Variants in ST6GALNAC5 observed in about 807,000 individuals in gnomAD.
ST6GALNAC5 encodes alpha-N-acetylgalactosaminide alpha-2,6-sialyltransferase 5.
Under a neutral mutation model 33.6 loss-of-function variants are expected in ST6GALNAC5, and 27 were observed. The observed-to-expected ratio is 0.80, with a 90% confidence interval of 0.59 to 1.11. The LOEUF (loss-of-function observed/expected upper bound fraction) is 1.11, where lower values mean the gene tolerates loss of function less well. Among genes scored for constraint, ST6GALNAC5 ranks in the 50% least tolerant of loss-of-function variants. The pLI is 0.00. For missense variants in ST6GALNAC5, 428 were observed against 454.0 expected (o/e 0.94, Z 0.52); for synonymous variants, 194 against 171.2 (o/e 1.13, Z -1.04).
chr1:76,932,342 C>T (rs1647152138), intron 2 of ST6GALNAC5, among the ~76,000 whole-genome samples: 1 of 152,020 alleles, frequency 6.6e-6, no homozygotes, highest in African/African-American at 2.4e-5. Context: ...CTTTCTCTGA[C>T]TAGAGGGGAG....
At chr1:76,947,628 T>G (rs1411876274) in intron 2 of ST6GALNAC5, among the ~76,000 whole-genome samples, 2 of 151,992 alleles carry the variant, frequency 1.3e-5, no homozygotes, top group Non-Finnish European at 2.9e-5. Context: ...ACCCAGCTAC[T>G]CAGGATGCTG....
At chr1:76,930,345 G>T (rs1258218269) in intron 2 of ST6GALNAC5, among the ~76,000 whole-genome samples, 3 of 77,098 alleles carry the variant, frequency 3.9e-5, no homozygotes, top group Non-Finnish European at 7.6e-5. Flanking sequence ...TAAACCCACT[G>T]GTCATGTGCA....
chr1:76,896,725 G>A (rs147364084), intron 2 of ST6GALNAC5, among the ~76,000 whole-genome samples: 2,032 of 152,270 alleles, frequency 0.013, 47 homozygotes, highest in African/African-American at 0.046. Flanking sequence ...TGAAGGAGCC[G>A]GGAGCAGAAA....
intron 2 of ST6GALNAC5, among the ~76,000 whole-genome samples, chr1:77,032,835 A>G (rs1181584338): frequency 6.6e-6 from 1 of 152,146 alleles, no homozygotes; most frequent in Non-Finnish European, 1.5e-5. Flanking sequence ...CCAAGTTCTC[A>G]TAATTCTTTT....
At position 77,063,328 on chromosome 1, in the gene ST6GALNAC5, C is replaced by A; in HGVS notation, c.*122C>A. 1 of 821,386 alleles carries A rather than the reference C, an allele frequency of 1.2e-6. No individual in the cohort carries two copies. Among genetic ancestry groups the A allele is most frequent in the Non-Finnish European group, 1.9e-6 (1 of 522,200 alleles). 50.9% of individuals were successfully genotyped at this position (821,386 alleles called of 1,614,324 possible). The stretch of plus-strand genomic sequence containing the variant: ...AACAGCTTCACTCCTCAGGAAGTAC[C>A]ATGGACAGACGCCTACCAGGGGTGA... On this transcript the variant is annotated 3_prime_UTR_variant, in exon 5 of 5. Coordinates refer to ENST00000477717, the MANE Select transcript of ST6GALNAC5 (RefSeq NM_030965.3).
At chr1:76,995,080 A>G (rs1426269611) in intron 2 of ST6GALNAC5, among the ~76,000 whole-genome samples, 1 of 152,158 alleles carries the variant, frequency 6.6e-6, no homozygotes, top group Non-Finnish European at 1.5e-5. Context: ...GTCAGATTGC[A>G]TTTAGGTTTA....
At chr1:77,052,192 C>A (rs1336101507) in intron 4 of ST6GALNAC5, among the ~76,000 whole-genome samples, 2 of 152,190 alleles carry the variant, frequency 1.3e-5, no homozygotes, top group Non-Finnish European at 2.9e-5. Context: ...AGGACCCCTA[C>A]GCCCAAGTTC....
chr1:77,006,464 C>A (rs1650423939), intron 2 of ST6GALNAC5, among the ~76,000 whole-genome samples: 1 of 151,776 alleles, frequency 6.6e-6, no homozygotes, highest in Admixed American at 6.6e-5. Context: ...CAGGCGCCAG[C>A]CACCACGCCT....
At chr1:76,933,783 A>T (rs1458212301) in intron 2 of ST6GALNAC5, among the ~76,000 whole-genome samples, 13 of 151,234 alleles carry the variant, frequency 8.6e-5, no homozygotes, top group Non-Finnish European at 1.6e-4. Flanking sequence ...AAAAAAAAAA[A>T]AAGCCCAGAA....
intron 2 of ST6GALNAC5, among the ~76,000 whole-genome samples, chr1:76,927,769 A>G (rs1647100272): frequency 6.6e-6 from 1 of 152,096 alleles, no homozygotes; most frequent in Non-Finnish European, 1.5e-5. Flanking sequence ...TACTCTTGGC[A>G]ACAATAAAAT....
intron 2 of ST6GALNAC5, among the ~76,000 whole-genome samples, chr1:76,962,957 A>G (rs1648300279): frequency 6.6e-6 from 1 of 152,208 alleles, no homozygotes; most frequent in Non-Finnish European, 1.5e-5. Flanking sequence ...GAGTTGTTAT[A>G]TTATACTTCA....
chr1:76,941,955 A>C (rs1377241418), intron 2 of ST6GALNAC5, among the ~76,000 whole-genome samples: 1 of 152,156 alleles, frequency 6.6e-6, no homozygotes, highest in Non-Finnish European at 1.5e-5. Flanking sequence ...AGTGTCTCTC[A>C]GAGTCAATTC....
At chr1:76,970,889 A>G (rs1228388826) in intron 2 of ST6GALNAC5, among the ~76,000 whole-genome samples, 1 of 152,180 alleles carries the variant, frequency 6.6e-6, no homozygotes, top group Non-Finnish European at 1.5e-5. Flanking sequence ...AATTTGTAGC[A>G]CTACATAATT....
At chr1:76,903,016 T>A (rs917157093) in intron 2 of ST6GALNAC5, among the ~76,000 whole-genome samples, 2 of 152,010 alleles carry the variant, frequency 1.3e-5, no homozygotes, top group African/African-American at 4.8e-5. Context: ...TCCCAAAACA[T>A]GAGCAACAAC....
chr1:76,964,743 T>A (rs1472927418), intron 2 of ST6GALNAC5, among the ~76,000 whole-genome samples: 1 of 152,178 alleles, frequency 6.6e-6, no homozygotes, highest in African/African-American at 2.4e-5. Context: ...TTTCTCCTAA[T>A]GCTATCCCTC....
rs139819444 is a variant in ST6GALNAC5, at chr1:77,017,772, G to A, written c.262-26432G>A. On this transcript the variant is annotated intron_variant, in intron 2 of 4. Transcript: ENST00000477717. ...ATAGTATGAGAAAGAATGAATGTGA[G>A]ATAGGGATTTGGTATTAAATATTAA... is the stretch of plus-strand genomic sequence containing the variant. Among the ~76,000 whole-genome samples, 80 of 152,306 alleles carry A rather than the reference G, an allele frequency of 5.3e-4. No homozygotes were observed. The East Asian group carries it at 0.014, about 26-fold the overall frequency.
chr1:76,899,360 C>T (rs562764030), intron 2 of ST6GALNAC5, among the ~76,000 whole-genome samples: 17 of 145,766 alleles, frequency 1.2e-4, no homozygotes, highest in South Asian at 2.2e-4. Context: ...GAGAAGGGGT[C>T]GGGGTGTGGA....
intron 2 of ST6GALNAC5, among the ~76,000 whole-genome samples, chr1:77,010,987 G>A (rs1164282462): frequency 2.6e-5 from 4 of 152,218 alleles, no homozygotes; most frequent in East Asian, 1.9e-4. Flanking sequence ...ATCCCCTGCC[G>A]TTTGGGTACT....
Position 76,868,619 on chromosome 1 carries a change from G to A in ST6GALNAC5, c.138G>A (p.Gln46=), listed in dbSNP as rs1046646120. 1 of 1,610,200 alleles carries A rather than the reference G, an allele frequency of 6.2e-7. No individual in the cohort carries two copies. The highest frequency in any genetic ancestry group is 8.5e-7 in the Non-Finnish European group (1 of 1,178,434). Residue 46 remains glutamine (Q), a synonymous_variant, in exon 2 of 5, where the codon CAG becomes CAA. Transcript: ENST00000477717. The surrounding 1 kb of genome is among the most constrained non-coding windows in gnomAD (Gnocchi z 4.3). ...AGCAGCAGCAGCAGCAGCAGCAACAGCAGCAGCAGGCGTCGGCCACCGGCA... is the reference window on the plus strand; with the variant it reads ...AGCAGCAGCAGCAGCAGCAGCAACAACAGCAGCAGGCGTCGGCCACCGGCA... ...PPQQQQQQQQ[Q]QQQASATGSS...
Sources: gnomAD v4.1 joint callset for allele counts (sites outside exome capture counted in the v4.1 genomes callset) on GRCh38, gnomAD v4.1.1 for gene constraint, Gnocchi (gnomAD v3.1) non-coding constraint, MANE v1.5 for transcripts, NCBI Gene and HGNC (gene_info 2026-07-23, HGNC 2026-07-21) for gene names.